The following SUMF1 variants were observed in gnomAD, a reference collection of about 807,000 sequenced individuals.
SUMF1 encodes the protein sulfatase modifying factor 1, also known as formylglycine-generating enzyme.
A neutral mutation model predicts 47.6 loss-of-function variants in SUMF1; 48 were observed. That is an observed-to-expected ratio of 1.01 (90% CI 0.80 to 1.28). The LOEUF (loss-of-function observed/expected upper bound fraction) is 1.28. Among genes scored for constraint, SUMF1 ranks in the 50% most tolerant of loss-of-function variants. The probability of loss-of-function intolerance (pLI) is 0.00; values close to 1 mark genes in which losing one functional copy is unlikely to be tolerated. For synonymous variants in SUMF1, 230 were observed against 192.1 expected (o/e 1.20, Z -1.63); for missense variants, 571 against 485.4 (o/e 1.18, Z -1.66).
In SUMF1 at chr3:4,218,177, A is replaced by T. The variant is rs376873338; in HGVS notation, c.1015-149432T>A. Among the ~76,000 whole-genome samples the T allele has an allele frequency of 7.9e-5, 12 of 152,172 alleles. 2 individuals carry two copies. The highest frequency in any genetic ancestry group is 6.6e-5 in the Admixed American group (1 of 15,262). ...CTGGAAGAAGGCCATTTATAAGCCA[A>T]AGAGAGAGACCTTACGAGAAATCAA... On this transcript the variant is annotated intron_variant and NMD_transcript_variant, in intron 8 of 12. Transcript: ENST00000448413.
intron 8 of SUMF1, among the ~76,000 whole-genome samples, chr3:4,370,133 T>G (rs1207231788): frequency 6.6e-6 from 1 of 151,980 alleles, no homozygotes; most frequent in Non-Finnish European, 1.5e-5. Context: ...GTGGCTACTT[T>G]CGATAGGGTG....
intron 7 of SUMF1, among the ~76,000 whole-genome samples, chr3:4,400,992 G>A (rs1024878935): frequency 8.0e-6 from 1 of 124,360 alleles, no homozygotes; most frequent in Non-Finnish European, 1.6e-5. Context: ...AGGCCCTGGT[G>A]TGTGATGTTC....
chr3:4,202,893 C>T lies in SUMF1; in HGVS notation c.1015-134148G>A, dbSNP rs187493765. Among the ~76,000 whole-genome samples, 344 of 151,928 alleles carry T rather than the reference C, an allele frequency of 2.3e-3. 4 individuals are homozygous for T. Among genetic ancestry groups the T allele is most frequent in the Middle Eastern group, 3.4e-3 (1 of 294 alleles). On this transcript the variant is annotated intron_variant and NMD_transcript_variant, in intron 8 of 12. Coordinates refer to the SUMF1 transcript ENST00000448413. ...TGTGTTTGTATAGTTTCCAAAGTTC[C>T]TCTTCCTATTGATTTCTAGTTTTAT...
chr3:4,303,591 C>T (rs1371176410), intron 8 of SUMF1: 3 of 1,375,784 alleles, frequency 2.2e-6, no homozygotes, highest in South Asian at 1.7e-5. Context: ...CTCCTCAAGC[C>T]GCCTCGCTGG....
chr3:4,448,047 A>AAAG (rs1553585529), intron 3 of SUMF1, among the ~76,000 whole-genome samples: 1 of 151,782 alleles, frequency 6.6e-6, no homozygotes, highest in African/African-American at 2.4e-5. Flanking sequence ...TTAAAAAAAA[A>AAAG]AGTAGGGCGG....
intron 3 of SUMF1, among the ~76,000 whole-genome samples, chr3:4,433,786 C>T (rs1702309443): frequency 6.6e-6 from 1 of 152,192 alleles, no homozygotes; most frequent in African/African-American, 2.4e-5. Context: ...AACACACAGA[C>T]CACATCTTAA....
intron 5 of SUMF1, 29 bp from the exon 6 acceptor site, chr3:4,417,271 G>A (rs1186927206): frequency 2.5e-6 from 4 of 1,594,522 alleles, no homozygotes; most frequent in South Asian, 1.1e-5. Flanking sequence ...GCATCAGCCT[G>A]TCAAACAGGC....
intron 7 of SUMF1, among the ~76,000 whole-genome samples, chr3:4,389,632 G>A (rs927263271): frequency 5.9e-5 from 9 of 152,068 alleles, no homozygotes; most frequent in Admixed American, 2.6e-4. Flanking sequence ...AGATCCTTGT[G>A]GCTCTCAACA....
At chr3:4,273,307 G>C (rs1019217710) in intron 8 of SUMF1, among the ~76,000 whole-genome samples, 4 of 152,044 alleles carry the variant, frequency 2.6e-5, no homozygotes, top group Non-Finnish European at 5.9e-5. Context: ...CAAACAAAAT[G>C]TGTTATGCCT....
chr3:4,397,129 G>C (rs142289493), intron 7 of SUMF1, among the ~76,000 whole-genome samples: 66 of 152,342 alleles, frequency 4.3e-4, no homozygotes, highest in Admixed American at 7.2e-4. Context: ...ACACTAATAT[G>C]CAACACAAAG....
intron 8 of SUMF1, among the ~76,000 whole-genome samples, chr3:4,216,980 G>A (rs1035432619): frequency 2.0e-5 from 3 of 152,144 alleles, no homozygotes; most frequent in African/African-American, 4.8e-5. Flanking sequence ...TCTAGAACCA[G>A]AAATACCAGT....
chr3:4,121,028 T>G (rs1693528916), intron 8 of SUMF1, among the ~76,000 whole-genome samples: 2 of 152,110 alleles, frequency 1.3e-5, no homozygotes, highest in Admixed American at 6.5e-5. Context: ...GAAGAAGAAC[T>G]TACTTTACCG....
At chr3:4,094,780 A>C (rs1374697842) in intron 8 of SUMF1, among the ~76,000 whole-genome samples, 5 of 152,132 alleles carry the variant, frequency 3.3e-5, no homozygotes, top group Non-Finnish European at 5.9e-5. Context: ...TTAGGGAAGT[A>C]ATGATACAGT....
chr3:4,140,006 G>C (rs1282127441), intron 8 of SUMF1, among the ~76,000 whole-genome samples: 1 of 151,976 alleles, frequency 6.6e-6, no homozygotes, highest in Non-Finnish European at 1.5e-5. Context: ...AAAATAAGGA[G>C]ATTATAAATG....
intron 8 of SUMF1, among the ~76,000 whole-genome samples, chr3:4,239,471 C>T (rs953600029): frequency 1.3e-5 from 2 of 152,108 alleles, no homozygotes; most frequent in African/African-American, 2.4e-5. Flanking sequence ...TTGCAGTTCT[C>T]CTCGAGGAGG....
At chr3:4,334,150 TA>T (rs1182623108) in intron 8 of SUMF1, among the ~76,000 whole-genome samples, 37 of 144,474 alleles carry the variant, frequency 2.6e-4, no homozygotes, top group Non-Finnish European at 3.1e-4. Flanking sequence ...TTAAGTCAAC[TA>T]AAAAAAAAAA....
At chr3:4,286,617 G>C (rs569893515) in intron 8 of SUMF1, among the ~76,000 whole-genome samples, 2 of 152,138 alleles carry the variant, frequency 1.3e-5, no homozygotes, top group South Asian at 4.2e-4. Context: ...ATGATTCCAA[G>C]AGAAAATGCA....
chr3:4,196,824 C>G (rs956536618), intron 8 of SUMF1, among the ~76,000 whole-genome samples: 2 of 152,124 alleles, frequency 1.3e-5, no homozygotes, highest in Admixed American at 6.5e-5. Flanking sequence ...TACTAGGGAA[C>G]CAGTGCCACT....
intron 8 of SUMF1, among the ~76,000 whole-genome samples, chr3:4,287,594 G>C (rs1345139302): frequency 1.3e-5 from 2 of 152,054 alleles, no homozygotes; most frequent in East Asian, 3.9e-4. Context: ...ACAAAGATAG[G>C]ACCTCACCAA....
Sources: allele counts gnomAD v4.1 joint callset (sites outside exome capture counted in the v4.1 genomes callset), GRCh38; gene constraint gnomAD v4.1.1; transcripts MANE v1.5; gene names NCBI Gene and HGNC (gene_info 2026-07-23, HGNC 2026-07-21).